Variants in MALRD1 observed in about 807,000 individuals in gnomAD.
MALRD1 encodes MAM and LDL-receptor class A domain-containing protein 1.
In MALRD1, 247 loss-of-function variants were observed where a neutral mutation model predicts 242.1. The ratio of observed to expected loss-of-function variants is 1.02; its 90% CI spans 0.92 to 1.13. MALRD1 has a LOEUF of 1.13. MALRD1 is among the 50% of genes most tolerant of loss of function. The pLI, the probability that MALRD1 is intolerant of heterozygous loss-of-function variation, is 0.00. For synonymous variants in MALRD1, 995 were observed against 866.6 expected (o/e 1.15, Z -2.60); for missense variants, 2,989 against 2,533.1 (o/e 1.18, Z -3.86).
At chr10:19,073,990 GGAAA>G (rs1348385481) in intron 2 of MALRD1, among the ~76,000 whole-genome samples, 1 of 152,086 alleles carries the variant, frequency 6.6e-6, no homozygotes, top group Non-Finnish European at 1.5e-5. Context: ...TATTTCAAAT[GGAAA>G]GAACCACATA....
At chr10:19,059,701 A>AT (rs922370945) in intron 1 of MALRD1, among the ~76,000 whole-genome samples, 1,690 of 148,584 alleles carry the variant, frequency 0.011, 32 homozygotes, top group African/African-American at 0.038. Flanking sequence ...CTCTGCATCT[A>AT]TTTTTTTTTT....
intron 37 of MALRD1, 30 bp downstream of exon 37, chr10:19,692,391 T>C (rs1465830176): frequency 7.8e-6 from 12 of 1,532,646 alleles, no homozygotes; most frequent in Non-Finnish European, 7.9e-6. Flanking sequence ...AATAAATGGC[T>C]TGGTTTGGGG....
rs116573012 is a variant in MALRD1, at chr10:19,549,018, G to T, written c.5478+17667G>T. Among the ~76,000 whole-genome samples the T allele has an allele frequency of 3.7e-3, 569 of 152,286 alleles. 3 individuals carry two copies. The highest frequency in any genetic ancestry group is 0.013 in the African/African-American group (545 of 41,556). ...CAGTGAACACACACATGATAATGAA[G>T]CAAAACAGCCTTAGTGCTAATATGG... On this transcript the variant is annotated intron_variant, in intron 32 of 39. Coordinates refer to ENST00000454679, the MANE Select transcript of MALRD1 (RefSeq NM_001142308.3).
At chr10:19,393,288 C>A (rs939666548) in intron 28 of MALRD1, among the ~76,000 whole-genome samples, 1 of 151,944 alleles carries the variant, frequency 6.6e-6, no homozygotes, top group Non-Finnish European at 1.5e-5. Context: ...AATTTAAATG[C>A]ATTACCTTCC....
At chr10:19,493,092 C>A (rs899949179) in intron 30 of MALRD1, 1 of 152,088 alleles carries the variant, frequency 6.6e-6, no homozygotes, top group Admixed American at 6.5e-5. Context: ...ACCACTGCCA[C>A]CATCCACCTC....
chr10:19,064,388 T>A (rs1045424721), intron 1 of MALRD1, among the ~76,000 whole-genome samples: 6 of 152,214 alleles, frequency 3.9e-5, no homozygotes, highest in Non-Finnish European at 4.4e-5. Context: ...CCAGCTACAA[T>A]TCAAGGAAAA....
intron 5 of MALRD1, among the ~76,000 whole-genome samples, chr10:19,109,992 C>T (rs762406165): frequency 1.3e-5 from 2 of 152,170 alleles, no homozygotes; most frequent in Non-Finnish European, 2.9e-5. Flanking sequence ...TGATTCTGAA[C>T]CTCTCCCAAC....
At chr10:19,269,267 G>C (rs1162438074) in intron 19 of MALRD1, among the ~76,000 whole-genome samples, 1 of 152,040 alleles carries the variant, frequency 6.6e-6, no homozygotes, top group East Asian at 1.9e-4. Flanking sequence ...ATTTGGAGTA[G>C]ATTAGGTCAT....
At chr10:19,663,541 G>A (rs1339084663) in intron 36 of MALRD1, among the ~76,000 whole-genome samples, 3 of 152,042 alleles carry the variant, frequency 2.0e-5, no homozygotes, top group Non-Finnish European at 4.4e-5. Context: ...TGGGTAGATA[G>A]CCAGTAGAGG....
At chr10:19,457,115 ACT>A (rs1346301118) in intron 29 of MALRD1, among the ~76,000 whole-genome samples, 1 of 152,118 alleles carries the variant, frequency 6.6e-6, no homozygotes, top group Non-Finnish European at 1.5e-5. Flanking sequence ...AATCCTTAAG[ACT>A]CTGAAAAATT....
At chr10:19,485,267 C>A (rs1183825509) in intron 29 of MALRD1, among the ~76,000 whole-genome samples, 1 of 152,132 alleles carries the variant, frequency 6.6e-6, no homozygotes, top group African/African-American at 2.4e-5. Context: ...GCAGTAAAAG[C>A]CTAGACTTTA....
At chr10:19,411,206 T>C (rs1003001456) in intron 28 of MALRD1, among the ~76,000 whole-genome samples, 1 of 152,158 alleles carries the variant, frequency 6.6e-6, no homozygotes, top group Admixed American at 6.5e-5. Flanking sequence ...CGAGAAGATA[T>C]TGTTCAGACT....
chr10:19,512,229 A>G (rs1833435094), intron 31 of MALRD1, among the ~76,000 whole-genome samples: 1 of 152,126 alleles, frequency 6.6e-6, no homozygotes, highest in Non-Finnish European at 1.5e-5. Context: ...CATGGTAAAC[A>G]TATACTCTGG....
chr10:19,086,659 C>T (rs1835678414), intron 2 of MALRD1, among the ~76,000 whole-genome samples: 1 of 152,058 alleles, frequency 6.6e-6, no homozygotes, highest in African/African-American at 2.4e-5. Flanking sequence ...ATGATCTCTT[C>T]TAAAGCTGTA....
chr10:19,302,424 T>C (rs1047692340), intron 21 of MALRD1, among the ~76,000 whole-genome samples: 35 of 151,978 alleles, frequency 2.3e-4, no homozygotes, highest in African/African-American at 6.7e-4. Flanking sequence ...AAAAATGTTA[T>C]ATCCGTATAA....
At chr10:19,097,669 T>C (rs938395111) in intron 4 of MALRD1, among the ~76,000 whole-genome samples, 9 of 152,162 alleles carry the variant, frequency 5.9e-5, no homozygotes, top group Non-Finnish European at 1.3e-4. Context: ...TGTGTTGCAT[T>C]TCCAGAAAGC....
chr10:19,186,811 GTTC>G (rs1452532284), intron 14 of MALRD1, among the ~76,000 whole-genome samples: 1 of 151,998 alleles, frequency 6.6e-6, no homozygotes, highest in Non-Finnish European at 1.5e-5. Context: ...AAACTATTCA[GTTC>G]TTCTCTTTTC....
intron 29 of MALRD1, among the ~76,000 whole-genome samples, chr10:19,463,738 G>T (rs994162464): frequency 6.6e-6 from 1 of 152,092 alleles, no homozygotes; most frequent in Non-Finnish European, 1.5e-5. Context: ...ACCCAGTAGT[G>T]GGATTGCTGG....
intron 26 of MALRD1, among the ~76,000 whole-genome samples, chr10:19,369,816 A>G (rs1053938357): frequency 4.0e-5 from 6 of 151,868 alleles, no homozygotes; most frequent in Admixed American, 3.3e-4. Context: ...AGATGCCAGT[A>G]TCATTATATA....
Sources: allele counts gnomAD v4.1 joint callset (sites outside exome capture counted in the v4.1 genomes callset), GRCh38; gene constraint gnomAD v4.1.1; transcripts MANE v1.5; gene names NCBI Gene and HGNC (gene_info 2026-07-23, HGNC 2026-07-21).